The following DPP6 variants were observed in gnomAD, a reference collection of about 807,000 sequenced individuals.
The protein encoded by DPP6 is dipeptidyl peptidase like 6.
A neutral mutation model predicts 122.6 loss-of-function variants in DPP6; 69 were observed. That is an observed-to-expected ratio of 0.56 (90% CI 0.46 to 0.69). The LOEUF is 0.69. Among genes scored for constraint, DPP6 ranks in the 30% least tolerant of loss-of-function variants. The pLI is 0.00. For synonymous variants in DPP6, 418 were observed against 433.1 expected (o/e 0.97, Z 0.43); for missense variants, 928 against 1,116.9 (o/e 0.83, Z 2.41).
intron 25 of DPP6, chr7:154,891,047 A>G (rs1018408919): frequency 6.6e-6 from 1 of 152,128 alleles, no homozygotes; most frequent in Non-Finnish European, 1.5e-5. Context: ...TAGGCAACAG[A>G]GCAAGACCCC....
At chr7:153,823,042 C>T in the DPP6 span, among the ~76,000 whole-genome samples, 3 of 152,066 alleles carry the variant, frequency 2.0e-5, no homozygotes, top group South Asian at 6.2e-4. Context: ...ATTCTGAGGG[C>T]CTCGTGCATT....
intron 1 of DPP6, among the ~76,000 whole-genome samples, chr7:153,916,669 A>C (rs2129005644): frequency 6.6e-6 from 1 of 152,012 alleles, no homozygotes; most frequent in South Asian, 2.1e-4. Flanking sequence ...GGCCTCCCAA[A>C]GTGCTGGGAT....
At chr7:154,864,109 G>A (rs1443193677) in intron 17 of DPP6, among the ~76,000 whole-genome samples, 1 of 152,216 alleles carries the variant, frequency 6.6e-6, no homozygotes, top group Non-Finnish European at 1.5e-5. Flanking sequence ...AGGCAACAGG[G>A]AGATGCCGGA....
chr7:154,160,124 A>AAATAAT (rs1231765658), intron 1 of DPP6, among the ~76,000 whole-genome samples: 20 of 151,382 alleles, frequency 1.3e-4, no homozygotes, highest in Non-Finnish European at 2.4e-4. Context: ...ATAAAAATAA[A>AAATAAT]AATAAAATAA....
At chr7:154,016,280 TC>T (rs1467662681) in intron 1 of DPP6, among the ~76,000 whole-genome samples, 1 of 152,208 alleles carries the variant, frequency 6.6e-6, no homozygotes, top group African/African-American at 2.4e-5. Flanking sequence ...CATTTCAGTT[TC>T]CCCCTTAGAG....
the DPP6 span, among the ~76,000 whole-genome samples, chr7:153,877,111 A>T: frequency 1.3e-5 from 2 of 152,058 alleles, no homozygotes; most frequent in Non-Finnish European, 1.5e-5. Context: ...TTGTAAAAAC[A>T]AAAACTAAAA....
intron 20 of DPP6, chr7:154,876,330 G>A: frequency 1.3e-6 from 1 of 751,348 alleles, no homozygotes; most frequent in Admixed American, 4.1e-5. Context: ...AGATTGTTGA[G>A]TTGACTAAAA....
At chr7:153,829,842 C>G in the DPP6 span, among the ~76,000 whole-genome samples, 1 of 152,172 alleles carries the variant, frequency 6.6e-6, no homozygotes, top group Non-Finnish European at 1.5e-5. Flanking sequence ...TTCGGGTACT[C>G]TTTACCTGCA....
rs562900635 is a variant in DPP6 at position 154,101,383 on chromosome 7, C to T, written c.243+48320C>T. On this transcript the variant is annotated intron_variant, in intron 1 of 25. Transcript: ENST00000377770. ...ACTCTTTCTCTTTCTCCTTCCATCC[C>T]TTCCCCTGTCCTCCTCTCCCTTTCT... Among the ~76,000 whole-genome samples, 1,093 of 149,348 alleles carry T rather than the reference C, an allele frequency of 7.3e-3. 22 individuals carry two copies. Among genetic ancestry groups the T allele is most frequent in the African/African-American group, 0.026 (1,051 of 40,948 alleles).
chr7:154,372,426 C>G (rs562409981), intron 1 of DPP6, among the ~76,000 whole-genome samples: 3 of 152,324 alleles, frequency 2.0e-5, no homozygotes, highest in African/African-American at 4.8e-5. Context: ...TCGCCCCCAA[C>G]ACGCAGTGCC....
intron 8 of DPP6, among the ~76,000 whole-genome samples, chr7:154,763,356 GA>G (rs1795688063): frequency 4.1e-5 from 1 of 24,532 alleles, no homozygotes; most frequent in African/African-American, 1.5e-4. Flanking sequence ...AGGAAGGAAG[GA>G]GAGAGAGAGA....
chr7:154,794,361 C>T (rs1389770302), intron 11 of DPP6, among the ~76,000 whole-genome samples, 159 bp downstream of exon 11: 9 of 152,200 alleles, frequency 5.9e-5, no homozygotes, highest in Non-Finnish European at 8.8e-5. Flanking sequence ...CCGGCTCCGG[C>T]GTGGCTGCCA....
chr7:154,058,627 C>G (rs1801165246), intron 1 of DPP6: 1 of 148,766 alleles, frequency 6.7e-6, no homozygotes, highest in Non-Finnish European at 1.5e-5. Flanking sequence ...AGCTTAGGAC[C>G]CACATCGTTG....
At chr7:154,600,074 C>G (rs1418329147) in intron 5 of DPP6, among the ~76,000 whole-genome samples, 1 of 152,154 alleles carries the variant, frequency 6.6e-6, no homozygotes, top group African/African-American at 2.4e-5. Flanking sequence ...ACTCCAATTT[C>G]CCAGCTCTTT....
chr7:153,975,241 T>TTA (rs1796234985), intron 1 of DPP6, among the ~76,000 whole-genome samples: 5 of 14,650 alleles, frequency 3.4e-4, no homozygotes, highest in African/African-American at 6.2e-4. Flanking sequence ...ATTCTTAGTT[T>TTA]AAAAAAAAAA....
chr7:154,061,249 A>C (rs1451800744), intron 1 of DPP6, among the ~76,000 whole-genome samples: 1 of 149,440 alleles, frequency 6.7e-6, no homozygotes, highest in Non-Finnish European at 1.5e-5. Flanking sequence ...GAACTTTTGA[A>C]ATGGGGATCC....
At chr7:154,736,450 CAT>C (rs554391682) in intron 8 of DPP6, among the ~76,000 whole-genome samples, 53 of 152,336 alleles carry the variant, frequency 3.5e-4, no homozygotes, top group Non-Finnish European at 4.9e-4. Flanking sequence ...GTAATTCTCA[CAT>C]GTCATTAAAT....
At chr7:153,851,464 CT>C in the DPP6 span, among the ~76,000 whole-genome samples, 1 of 152,216 alleles carries the variant, frequency 6.6e-6, no homozygotes, top group Non-Finnish European at 1.5e-5. Context: ...CACCTTTTGT[CT>C]GAAACATTAT....
the DPP6 span, among the ~76,000 whole-genome samples, chr7:153,792,125 A>T: frequency 1.3e-5 from 2 of 152,244 alleles, no homozygotes; most frequent in Non-Finnish European, 2.9e-5. Context: ...AAATTGCTAG[A>T]ATCATACTTT....
Sources: allele counts gnomAD v4.1 joint callset (sites outside exome capture counted in the v4.1 genomes callset), GRCh38; gene constraint gnomAD v4.1.1; transcripts MANE v1.5; gene names NCBI Gene and HGNC (gene_info 2026-07-23, HGNC 2026-07-21).